The following EVC2 variants were observed in gnomAD, a reference collection of about 807,000 sequenced individuals.
The protein encoded by EVC2 is EvC ciliary complex subunit 2.
In EVC2, 148 loss-of-function variants were observed where a neutral mutation model predicts 149.3. That is an observed-to-expected ratio of 0.99 (90% CI 0.87 to 1.14). The LOEUF is 1.14. Among genes scored for constraint, EVC2 ranks in the 50% most tolerant of loss-of-function variants. The pLI is 0.00. For missense variants in EVC2, 1,854 were observed against 1,627.3 expected (o/e 1.14, Z -2.40); for synonymous variants, 776 against 649.9 (o/e 1.19, Z -2.95).
chr4:5,541,924 A>G (rs1560114880), downstream of EVC2, among the ~76,000 whole-genome samples: 1 of 152,050 alleles, frequency 6.6e-6, no homozygotes, highest in Non-Finnish European at 1.5e-5. Context: ...CCCCTCCCCA[A>G]ATTCAATTCA....
chr4:5,680,515 C>T (rs535676958), intron 7 of EVC2, among the ~76,000 whole-genome samples: 35 of 152,234 alleles, frequency 2.3e-4, no homozygotes, highest in African/African-American at 7.7e-4. Context: ...CATTATGTGG[C>T]GCGTGACTGT....
intron 9 of EVC2, among the ~76,000 whole-genome samples, chr4:5,651,777 G>T (rs1013996850): frequency 1.3e-5 from 2 of 152,198 alleles, no homozygotes; most frequent in African/African-American, 2.4e-5. Flanking sequence ...CCACCACAAT[G>T]GGGAGCTAGC....
chr4:5,576,157 T>C lies in EVC2; in HGVS notation c.3272+83A>G, dbSNP rs6840591. The C allele has an allele frequency of 0.99, 1,595,950 of 1,609,406 alleles. 791,659 individuals are homozygous for C. Among genetic ancestry groups the C allele is most frequent in the Non-Finnish European group, 1 (1,178,620 of 1,179,490 alleles). ...AAGAGGGTGAGAGCCCAGGTGGGTA[T>C]GGGTGGGCTGAGTTGGAGATGCCAG... On this transcript the variant is annotated intron_variant, in intron 18 of 21. Transcript: ENST00000344408. This position sits in a 1 kb window ranked among gnomAD's most constrained non-coding sequence, Gnocchi z 4.5.
chr4:5,669,572 C>G (rs779387708), intron 7 of EVC2, among the ~76,000 whole-genome samples: 3 of 152,204 alleles, frequency 2.0e-5, no homozygotes, highest in Non-Finnish European at 2.9e-5. Context: ...CAGCATCACT[C>G]TACCGTAAAA....
At chr4:5,570,744 A>G (rs909360098) in intron 19 of EVC2, among the ~76,000 whole-genome samples, 12 of 152,208 alleles carry the variant, frequency 7.9e-5, no homozygotes, top group Non-Finnish European at 2.9e-5. Context: ...GGAACCAACC[A>G]AAGTGCCCAT....
chr4:5,628,184 C>T (rs1716255502), intron 12 of EVC2, among the ~76,000 whole-genome samples: 1 of 152,086 alleles, frequency 6.6e-6, no homozygotes, highest in East Asian at 1.9e-4. Flanking sequence ...TCATTTGTGC[C>T]GTGGTGTGAA....
downstream of EVC2, among the ~76,000 whole-genome samples, chr4:5,557,971 A>G (rs1721867790): frequency 6.6e-6 from 1 of 152,128 alleles, no homozygotes; most frequent in Admixed American, 6.6e-5. Flanking sequence ...TATTGTGGAG[A>G]TGTCAATTCT....
intron 16 of EVC2, among the ~76,000 whole-genome samples, chr4:5,586,085 C>T (rs113793169): frequency 0.014 from 2,198 of 152,234 alleles, 38 homozygotes; most frequent in African/African-American, 0.047. Flanking sequence ...TGGTCTCGAA[C>T]GCCTGGCCTC....
At chr4:5,651,348 T>C (rs1235713090) in intron 9 of EVC2, among the ~76,000 whole-genome samples, 1 of 151,616 alleles carries the variant, frequency 6.6e-6, no homozygotes, top group African/African-American at 2.4e-5. Context: ...GATGAGTAGA[T>C]AGGATGGATG....
At chr4:5,591,649 T>C (rs1265459271) in intron 16 of EVC2, among the ~76,000 whole-genome samples, 3 of 151,988 alleles carry the variant, frequency 2.0e-5, no homozygotes, top group African/African-American at 7.2e-5. Context: ...ACAGTGAAAT[T>C]AAAAAGAAAA....
chr4:5,599,491 T>C (rs563231195), intron 16 of EVC2, among the ~76,000 whole-genome samples: 2 of 152,188 alleles, frequency 1.3e-5, no homozygotes, highest in Admixed American at 6.5e-5. Context: ...AAACACCGTA[T>C]ATTCTCACTC....
intron 21 of EVC2, among the ~76,000 whole-genome samples, chr4:5,553,863 T>C (rs1281679065): frequency 6.6e-6 from 1 of 152,130 alleles, no homozygotes; most frequent in African/African-American, 2.4e-5. Context: ...CTGCAATGTA[T>C]GCATGCAATA....
chr4:5,617,607 T>C (rs1715356244), intron 15 of EVC2, among the ~76,000 whole-genome samples: 1 of 152,088 alleles, frequency 6.6e-6, no homozygotes, highest in Admixed American at 6.5e-5. Context: ...AAGAAAATAA[T>C]GAAACCCAGC....
At position 5,567,913 on chromosome 4, in the gene EVC2, G is replaced by A. The variant is rs1260669558; in HGVS notation, c.3557+531C>T. Among the ~76,000 whole-genome samples the A allele has an allele frequency of 6.6e-6, 1 of 152,162 alleles. No individual in the cohort carries two copies. The highest frequency in any genetic ancestry group is 1.5e-5 in the Non-Finnish European group (1 of 68,038). ...AGTAATGGGATAAGAATTACATAGG[G>A]GGATGTTTGCATGAGCGTTAAAAGG... On this transcript the variant is annotated intron_variant, in intron 20 of 21. Coordinates refer to ENST00000344408, the MANE Select transcript of EVC2 (RefSeq NM_147127.5). The surrounding 1 kb of genome is among the most constrained non-coding windows in gnomAD (Gnocchi z 4.4).
rs1432849857 is a variant in EVC2, at chr4:5,686,879, C to T, written c.707-1400G>A. Among the ~76,000 whole-genome samples, 1 of 151,864 alleles carries T rather than the reference C, an allele frequency of 6.6e-6. No individual in the cohort carries two copies. The highest frequency in any genetic ancestry group is 2.1e-4 in the South Asian group (1 of 4,818). The stretch of plus-strand genomic sequence containing the variant: ...AGTTCACAGATAAATATGATTTGGA[C>T]ACTGCCCTCAGGGAATGTAGAGCCC... On this transcript the variant is annotated intron_variant, in intron 5 of 21. Coordinates refer to ENST00000344408, the MANE Select transcript of EVC2 (RefSeq NM_147127.5). This position sits in a 1 kb window ranked among gnomAD's most constrained non-coding sequence, Gnocchi z 5.4.
intron 16 of EVC2, among the ~76,000 whole-genome samples, chr4:5,587,097 T>C (rs550440547): frequency 1.3e-5 from 2 of 152,336 alleles, no homozygotes; most frequent in East Asian, 3.9e-4. Context: ...TTGAAATAAG[T>C]CAATCTTTAA....
rs377121361 is a variant in EVC2, at chr4:5,622,522, C to T, written c.2501+15G>A. The T allele has an allele frequency of 3.6e-5, 58 of 1,612,012 alleles. No individual in the cohort carries two copies. The Middle Eastern group carries it at 4.9e-4, about 14-fold the overall frequency. ...GGGATGGGGAGGGGTGATTACGACC[C>T]GCAAAGGCACTCACATGAAGATCAG... On this transcript the variant is annotated intron_variant, in intron 14 of 21. Coordinates refer to ENST00000344408, the MANE Select transcript of EVC2 (RefSeq NM_147127.5). This position sits in a 1 kb window ranked among gnomAD's most constrained non-coding sequence, Gnocchi z 5.8.
chr4:5,692,535 C>T (rs887353461), intron 3 of EVC2, among the ~76,000 whole-genome samples: 1 of 152,200 alleles, frequency 6.6e-6, no homozygotes, highest in African/African-American at 2.4e-5. Flanking sequence ...CCACAACATG[C>T]ATTCCCTCTC....
At chr4:5,583,676 C>T (rs981415939) in intron 17 of EVC2, among the ~76,000 whole-genome samples, 19 of 152,122 alleles carry the variant, frequency 1.2e-4, no homozygotes, top group African/African-American at 4.6e-4. Flanking sequence ...AACTCTACTG[C>T]ATCTATAGTC....
Sources: allele counts gnomAD v4.1 joint callset (sites outside exome capture counted in the v4.1 genomes callset), GRCh38; gene constraint gnomAD v4.1.1; non-coding constraint Gnocchi (gnomAD v3.1); transcripts MANE v1.5; gene names NCBI Gene and HGNC (gene_info 2026-07-23, HGNC 2026-07-21).